GRAMD1B: variants seen among roughly 807,000 people sequenced by gnomAD.
GRAMD1B encodes GRAM domain containing 1B.
A neutral mutation model predicts 99.7 loss-of-function variants in GRAMD1B; 37 were observed. That is an observed-to-expected ratio of 0.37 (90% CI 0.29 to 0.49). The LOEUF (loss-of-function observed/expected upper bound fraction) is 0.49, where lower values mean the gene tolerates loss of function less well. GRAMD1B is among the 20% of genes least tolerant of loss of function. The pLI is 0.98. For synonymous variants in GRAMD1B, 427 were observed against 387.6 expected (o/e 1.10, Z -1.19); for missense variants, 888 against 1,009.2 (o/e 0.88, Z 1.63).
chr11:123,590,354 C>G (rs955433196), intron 4 of GRAMD1B, among the ~76,000 whole-genome samples: 2 of 152,196 alleles, frequency 1.3e-5, no homozygotes, highest in Admixed American at 6.5e-5. Flanking sequence ...CAAGAAGTCC[C>G]TGGCAACTTG....
chr11:123,553,965 A>G (rs115382493), intron 2 of GRAMD1B, among the ~76,000 whole-genome samples: 132 of 152,294 alleles, frequency 8.7e-4, no homozygotes, highest in Middle Eastern at 3.4e-3. Flanking sequence ...CTAACAATCT[A>G]GCTTTCTTCC....
At chr11:123,477,443 C>G (rs1211941553) in intron 1 of GRAMD1B, among the ~76,000 whole-genome samples, 1 of 151,576 alleles carries the variant, frequency 6.6e-6, no homozygotes, top group Non-Finnish European at 1.5e-5. Flanking sequence ...GAGCGAATGG[C>G]AAACAGTTGC....
chr11:123,538,871 C>G (rs1944226772), intron 2 of GRAMD1B, among the ~76,000 whole-genome samples: 1 of 152,028 alleles, frequency 6.6e-6, no homozygotes, highest in Non-Finnish European at 1.5e-5. Context: ...TCAGGTGATC[C>G]ACCCACCTCA....
intron 1 of GRAMD1B, among the ~76,000 whole-genome samples, chr11:123,379,739 A>C (rs142716584): frequency 1.3e-5 from 2 of 152,378 alleles, no homozygotes; most frequent in African/African-American, 4.8e-5. Context: ...TATGTTAAAC[A>C]CTTTGAGTGA....
At chr11:123,474,066 G>C (rs1321867355) in intron 1 of GRAMD1B, among the ~76,000 whole-genome samples, 2 of 152,180 alleles carry the variant, frequency 1.3e-5, no homozygotes, top group East Asian at 3.9e-4. Flanking sequence ...TCAGGCTAAG[G>C]GCCTTTTCTG....
At chr11:123,529,897 T>G (rs1943177352) in intron 2 of GRAMD1B, among the ~76,000 whole-genome samples, 1 of 152,112 alleles carries the variant, frequency 6.6e-6, no homozygotes, top group African/African-American at 2.4e-5. Flanking sequence ...CCCTCACATC[T>G]GCTGGGCTTG....
intron 2 of GRAMD1B, among the ~76,000 whole-genome samples, chr11:123,481,894 T>C (rs564317194): frequency 1.1e-4 from 16 of 152,312 alleles, no homozygotes; most frequent in African/African-American, 3.6e-4. Context: ...GCTCTGTTTA[T>C]CGTTTTTATC....
intron 9 of GRAMD1B, among the ~76,000 whole-genome samples, chr11:123,603,873 G>A (rs568986918): frequency 1.3e-5 from 2 of 152,370 alleles, no homozygotes; most frequent in South Asian, 2.1e-4. Context: ...AGGGAAACCC[G>A]TGAAGAGGCT....
At chr11:123,481,633 G>C (rs1282766902) in intron 2 of GRAMD1B, among the ~76,000 whole-genome samples, 1 of 152,166 alleles carries the variant, frequency 6.6e-6, no homozygotes, top group Non-Finnish European at 1.5e-5. Context: ...TGAAAAATGA[G>C]GTGGGATGTC....
chr11:123,487,877 G>A (rs1938046920), intron 2 of GRAMD1B, among the ~76,000 whole-genome samples: 1 of 152,228 alleles, frequency 6.6e-6, no homozygotes, highest in Admixed American at 6.5e-5. Flanking sequence ...CAAGTTCTGG[G>A]ATTACAGACG....
chr11:123,463,539 T>C (rs183607554), intron 1 of GRAMD1B, among the ~76,000 whole-genome samples: 9 of 152,360 alleles, frequency 5.9e-5, no homozygotes, highest in Admixed American at 4.6e-4. Flanking sequence ...TTCTCTGATG[T>C]AGCCAACAGG....
intron 1 of GRAMD1B, chr11:123,435,675 TTAA>T (rs1398065112): frequency 2.2e-6 from 1 of 446,334 alleles, no homozygotes; most frequent in Non-Finnish European, 4.0e-6. Context: ...TGTTGATGAG[TTAA>T]TAATGAGTAA....
At chr11:123,545,694 A>G (rs913626453) in intron 2 of GRAMD1B, among the ~76,000 whole-genome samples, 1 of 152,260 alleles carries the variant, frequency 6.6e-6, no homozygotes, top group Non-Finnish European at 1.5e-5. Context: ...TAAAGTTCTT[A>G]CAACAGAACT....
At chr11:123,615,304 C>T (rs1460824966) in intron 17 of GRAMD1B, among the ~76,000 whole-genome samples, 1 of 152,224 alleles carries the variant, frequency 6.6e-6, no homozygotes, top group East Asian at 1.9e-4. Context: ...GCCTACAATA[C>T]AAGAAAAGTG....
At chr11:123,400,976 C>T (rs1565474895) in intron 1 of GRAMD1B, among the ~76,000 whole-genome samples, 1 of 152,120 alleles carries the variant, frequency 6.6e-6, no homozygotes, top group Non-Finnish European at 1.5e-5. Flanking sequence ...AAGCTAGTAC[C>T]TGAACTCAGA....
intron 2 of GRAMD1B, among the ~76,000 whole-genome samples, chr11:123,543,841 A>G (rs1252429303): frequency 3.9e-5 from 6 of 152,234 alleles, no homozygotes. Context: ...ATGTAGTCAC[A>G]GGCTTTCATT....
chr11:123,590,572 T>C (rs1950545616), intron 4 of GRAMD1B, among the ~76,000 whole-genome samples: 1 of 152,196 alleles, frequency 6.6e-6, no homozygotes, highest in South Asian at 2.1e-4. Flanking sequence ...GGCCCAGCTC[T>C]TCCCACCCAC....
intron 7 of GRAMD1B, chr11:123,597,914 G>A (rs1951482583): frequency 1.0e-5 from 10 of 975,782 alleles, no homozygotes; most frequent in Non-Finnish European, 1.7e-5. Flanking sequence ...GCCTGGGCTA[G>A]CCCCAAAGCT....
At chr11:123,404,197 C>T (rs935424240) in intron 1 of GRAMD1B, among the ~76,000 whole-genome samples, 1 of 152,212 alleles carries the variant, frequency 6.6e-6, no homozygotes, top group Non-Finnish European at 1.5e-5. Context: ...CATTGAGAAG[C>T]ACGTAATGCC....
Sources: allele counts gnomAD v4.1 joint callset (sites outside exome capture counted in the v4.1 genomes callset), GRCh38; gene constraint gnomAD v4.1.1; transcripts MANE v1.5; gene names NCBI Gene and HGNC (gene_info 2026-07-23, HGNC 2026-07-21).